The following LHPP variants were observed in gnomAD, a reference collection of about 807,000 sequenced individuals.
LHPP encodes hLHPP.
A neutral mutation model predicts 30.3 loss-of-function variants in LHPP; 24 were observed. The observed-to-expected ratio is 0.79, with a 90% confidence interval of 0.57 to 1.11. The LOEUF is 1.11. LHPP is among the 50% of genes most tolerant of loss of function. LHPP has a pLI of 0.00. For missense variants in LHPP, 356 were observed against 367.2 expected, an observed-to-expected ratio of 0.97 and a Z score of 0.25; for synonymous variants, 150 against 157.1, an observed-to-expected ratio of 0.95 and a Z score of 0.34.
intron 6 of LHPP, among the ~76,000 whole-genome samples, chr10:124,568,108 G>T (rs1948522107): frequency 6.6e-6 from 1 of 152,184 alleles, no homozygotes; most frequent in South Asian, 2.1e-4. Flanking sequence ...TAGAGACGGG[G>T]TTTCACCGTG....
At chr10:124,550,560 G>A (rs906581078) in intron 6 of LHPP, among the ~76,000 whole-genome samples, 1 of 152,238 alleles carries the variant, frequency 6.6e-6, no homozygotes, top group Admixed American at 6.5e-5. Context: ...GTGGGAGGCG[G>A]CCCCAGAGGG....
At chr10:124,509,562 A>G (rs884038) in intron 5 of LHPP, among the ~76,000 whole-genome samples, 69,128 of 150,370 alleles carry the variant, frequency 0.46, 16,760 homozygotes, top group African/African-American at 0.62. Context: ...ATGATTTCTG[A>G]CTTTTTTTTT....
chr10:124,572,873 G>A lies in LHPP; in HGVS notation c.717-40391G>A, dbSNP rs529763612. ...CCAGCTCAGTCCTGTGGTCCCTGTC[G>A]TGTGTAGAAACACATACTCTGTACG... On this transcript the variant is annotated intron_variant, in intron 6 of 6. Coordinates refer to ENST00000368842, the MANE Select transcript of LHPP (RefSeq NM_022126.4). Among the ~76,000 whole-genome samples the A allele has an allele frequency of 2.1e-3, 322 of 152,310 alleles. 2 individuals are homozygous for A. The South Asian group carries it at 0.031, about 15-fold the overall frequency.
At chr10:124,600,919 G>A (rs1431965712) in intron 6 of LHPP, among the ~76,000 whole-genome samples, 1 of 152,242 alleles carries the variant, frequency 6.6e-6, no homozygotes, top group African/African-American at 2.4e-5. Flanking sequence ...ATCTCAGTGT[G>A]GAGGTGGCAG....
intron 1 of LHPP, among the ~76,000 whole-genome samples, chr10:124,481,217 C>CACAT (rs1554879550): frequency 6.6e-6 from 1 of 151,666 alleles, no homozygotes; most frequent in Non-Finnish European, 1.5e-5. Flanking sequence ...CAAAAACTGA[C>CACAT]AGAGACAGGG....
intron 6 of LHPP, among the ~76,000 whole-genome samples, chr10:124,519,222 A>T (rs956727164): frequency 6.6e-6 from 1 of 152,232 alleles, no homozygotes; most frequent in Admixed American, 6.5e-5. Context: ...TGCTGGGATT[A>T]TACGCGTGAG....
chr10:124,551,855 A>G (rs570552684), intron 6 of LHPP, among the ~76,000 whole-genome samples: 41 of 152,142 alleles, frequency 2.7e-4, no homozygotes, highest in African/African-American at 9.4e-4. Flanking sequence ...GCCTGACCTC[A>G]CCACGGAGGC....
intron 1 of LHPP, among the ~76,000 whole-genome samples, chr10:124,481,391 T>TTTG (rs1554879616): frequency 0.17 from 23,436 of 140,470 alleles, 2,707 homozygotes; most frequent in Middle Eastern, 0.26. Context: ...TTTTTTTTTT[T>TTTG]TTTGCGACAG....
intron 1 of LHPP, 50 bp from the exon 2 acceptor site, chr10:124,484,089 C>A: frequency 6.4e-7 from 1 of 1,573,316 alleles, no homozygotes; most frequent in Admixed American, 1.8e-5. Context: ...CCTTCAGAGG[C>A]CCAACACTCC....
chr10:124,590,377 C>T lies in LHPP; in HGVS notation c.717-22887C>T, dbSNP rs368982271. Among the ~76,000 whole-genome samples the T allele has an allele frequency of 5.3e-5, 8 of 152,176 alleles. No homozygotes were observed. The highest frequency in any genetic ancestry group is 3.9e-4 in the East Asian group (2 of 5,194). ...GGCAACCTTTCTTGGGCTCTGAAGG[C>T]GCCTCTCATCCTCTGAGCCAAGAAG... On this transcript the variant is annotated intron_variant, in intron 6 of 6. Coordinates refer to ENST00000368842, the MANE Select transcript of LHPP (RefSeq NM_022126.4). The surrounding 1 kb of genome is among the most constrained non-coding windows in gnomAD (Gnocchi z 4.3).
chr10:124,522,720 C>A (rs1589826324), intron 6 of LHPP, among the ~76,000 whole-genome samples: 1 of 125,334 alleles, frequency 8.0e-6, no homozygotes, highest in African/African-American at 3.1e-5. Context: ...CACTGCTGCC[C>A]ACGCCCCCCC....
At position 124,529,871 on chromosome 10, in the gene LHPP, A is replaced by G. The variant is rs1233905146; in HGVS notation, c.716+12600A>G. Among the ~76,000 whole-genome samples the G allele has an allele frequency of 2.0e-5, 3 of 152,038 alleles. No homozygotes were observed. In the East Asian group the frequency reaches 5.8e-4, roughly 29 times the overall value. ...CCCACGCACTCTCTTTGCCTGTGGGAGGGCAGGATCCCAGCTGCCCCAGCG... is the reference window on the plus strand; with the variant it reads ...CCCACGCACTCTCTTTGCCTGTGGGGGGGCAGGATCCCAGCTGCCCCAGCG... On this transcript the variant is annotated intron_variant, in intron 6 of 6. Transcript: ENST00000368842.
chr10:124,607,332 C>T (rs1275677273), intron 6 of LHPP, among the ~76,000 whole-genome samples: 2 of 152,244 alleles, frequency 1.3e-5, no homozygotes, highest in African/African-American at 2.4e-5. Flanking sequence ...AACAGGTCCC[C>T]TCCTGCCTAC....
chr10:124,508,034 A>C (rs986683277), intron 5 of LHPP, among the ~76,000 whole-genome samples: 8 of 151,972 alleles, frequency 5.3e-5, no homozygotes, highest in Admixed American at 6.5e-5. Flanking sequence ...ATATAAACTC[A>C]AAGGTGCCCT....
At chr10:124,558,651 A>G (rs1449250629) in intron 6 of LHPP, among the ~76,000 whole-genome samples, 1 of 151,494 alleles carries the variant, frequency 6.6e-6, no homozygotes, top group African/African-American at 2.4e-5. Flanking sequence ...ATGCTACCCA[A>G]CCCCCCATGG....
chr10:124,462,647 C>G (rs1952437968), intron 1 of LHPP, among the ~76,000 whole-genome samples: 1 of 152,200 alleles, frequency 6.6e-6, no homozygotes, highest in South Asian at 2.1e-4. Context: ...AAAATAAAAA[C>G]ATGAAAATGG....
At chr10:124,595,671 G>C (rs1413075797) in intron 6 of LHPP, among the ~76,000 whole-genome samples, 1 of 152,134 alleles carries the variant, frequency 6.6e-6, no homozygotes, top group Admixed American at 6.5e-5. Context: ...TGAGCCATCT[G>C]GTGTAGATAT....
chr10:124,574,334 AG>A (rs977925749), intron 6 of LHPP, among the ~76,000 whole-genome samples: 4 of 152,010 alleles, frequency 2.6e-5, no homozygotes, highest in Admixed American at 1.3e-4. Flanking sequence ...CCCCCCTGCG[AG>A]GGCGCGCACG....
At chr10:124,466,214 T>C (rs770417399) in intron 1 of LHPP, among the ~76,000 whole-genome samples, 3 of 152,198 alleles carry the variant, frequency 2.0e-5, no homozygotes, top group Non-Finnish European at 4.4e-5. Flanking sequence ...GTACCTTGTC[T>C]ATAGACATAT....
Sources: allele counts gnomAD v4.1 joint callset (sites outside exome capture counted in the v4.1 genomes callset), GRCh38; gene constraint gnomAD v4.1.1; non-coding constraint Gnocchi (gnomAD v3.1); transcripts MANE v1.5; gene names NCBI Gene and HGNC (gene_info 2026-07-23, HGNC 2026-07-21).